EXD3: variants seen among roughly 807,000 people sequenced by gnomAD.
The protein encoded by EXD3 is exonuclease 3'-5' domain containing 3.
EXD3 carries 92 observed loss-of-function variants against 98.0 expected under a neutral mutation model. The ratio of observed to expected loss-of-function variants is 0.94; its 90% CI spans 0.79 to 1.12. The LOEUF is 1.12. Among genes scored for constraint, EXD3 ranks in the 50% most tolerant of loss-of-function variants. EXD3 has a pLI of 0.00. For missense variants in EXD3, 1,222 were observed against 1,191.6 expected (o/e 1.03, Z -0.38); for synonymous variants, 569 against 526.0 (o/e 1.08, Z -1.12).
At chr9:137,374,868 T>A in intron 3 of EXD3, 1 of 985,494 alleles carries the variant, frequency 1.0e-6, no homozygotes, top group Non-Finnish European at 1.2e-6. Context: ...CTAGCCCTAG[T>A]GAGTTCTAAC....
chr9:137,353,976 G>A (rs1218575508), intron 10 of EXD3: 2 of 1,096,084 alleles, frequency 1.8e-6, no homozygotes, highest in Non-Finnish European at 2.2e-6. Context: ...CACCGGGCTG[G>A]GGGGGCCTGG....
chr9:137,374,999 G>T, intron 3 of EXD3: 1 of 336,224 alleles, frequency 3.0e-6, no homozygotes, highest in Non-Finnish European at 4.2e-6. Context: ...GCTCTTGTGA[G>T]TTCTAACCCT....
Position 137,324,807 on chromosome 9 carries a change from C to G in EXD3, c.1999-664G>C, listed in dbSNP as rs571301259. Among the ~76,000 whole-genome samples the G allele has an allele frequency of 1.3e-5, 2 of 152,192 alleles. No homozygotes were observed. The highest frequency in any genetic ancestry group is 2.9e-5 in the Non-Finnish European group (2 of 68,040). On this transcript the variant is annotated intron_variant, in intron 17 of 21. Transcript: ENST00000340951. This position sits in a 1 kb window ranked among gnomAD's most constrained non-coding sequence, Gnocchi z 4.1. ...TCCTGGGTTCATGCCATTCTCCTGC[C>G]TCAGCCTCCCAAGTAGCTAGGACTA...
intron 1 of EXD3, among the ~76,000 whole-genome samples, chr9:137,406,526 A>C (rs1588433127): frequency 1.3e-5 from 2 of 152,114 alleles, no homozygotes; most frequent in East Asian, 3.9e-4. Flanking sequence ...GCTCTTGGCC[A>C]ACACTCCTGC....
Position 137,373,014 on chromosome 9 carries a change from G to C in EXD3, c.353C>G (p.Pro118Arg). The C allele has an allele frequency of 4.4e-6, 7 of 1,605,170 alleles. No individual in the cohort carries two copies. The highest frequency in any genetic ancestry group is 5.9e-6 in the Non-Finnish European group (7 of 1,179,030). Residue 118 changes from proline to arginine, a missense_variant, in exon 5 of 22, where the codon CCC becomes CGC. Coordinates refer to ENST00000340951, the MANE Select transcript of EXD3 (RefSeq NM_017820.5). ...GGCCAGTGGTGCCGCAAGGCTGGGG[G>C]GGCTCTCAGTGAGGACTTTGACCGC... is the stretch of plus-strand genomic sequence containing the variant. ...ARAVKVLTESPPSLAAPLASI... is the reference protein window; with the variant it reads ...ARAVKVLTESRPSLAAPLASI...
At chr9:137,382,390 G>A (rs1002013650) in intron 3 of EXD3, among the ~76,000 whole-genome samples, 5 of 151,944 alleles carry the variant, frequency 3.3e-5, no homozygotes, top group African/African-American at 7.3e-5. Flanking sequence ...CGTGGGGGGC[G>A]GGGGGCAGAG....
chr9:137,307,539 C>G (rs1235645769), intron 21 of EXD3, 69 bp downstream of exon 21: 41 of 1,575,774 alleles, frequency 2.6e-5, no homozygotes, highest in Non-Finnish European at 3.3e-5. Context: ...GTCCCCCATT[C>G]TGGGGGAAGC....
At chr9:137,335,514 G>A (rs1013045471) in intron 17 of EXD3, among the ~76,000 whole-genome samples, 1 of 151,870 alleles carries the variant, frequency 6.6e-6, no homozygotes, top group African/African-American at 2.4e-5. Context: ...CCCGGTCTCT[G>A]CTAAAAATAC....
intron 21 of EXD3, 92 bp from the exon 22 acceptor site, chr9:137,307,355 G>A (rs1831100398): frequency 1.4e-6 from 2 of 1,431,398 alleles, no homozygotes; most frequent in South Asian, 1.5e-5. Context: ...GGCCCACGCT[G>A]AGCCCACGCT....
At chr9:137,391,578 C>T (rs1055853403) in intron 2 of EXD3, among the ~76,000 whole-genome samples, 6 of 151,036 alleles carry the variant, frequency 4.0e-5, no homozygotes, top group South Asian at 2.1e-4. Flanking sequence ...CCCACCCCAC[C>T]GCCCGCCGGC....
At chr9:137,335,052 G>C (rs1833283017) in intron 17 of EXD3, among the ~76,000 whole-genome samples, 1 of 151,780 alleles carries the variant, frequency 6.6e-6, no homozygotes, top group Non-Finnish European at 1.5e-5. Flanking sequence ...ACTCCAGCCT[G>C]GGTGACAGAG....
In EXD3 at chr9:137,352,721, G is replaced by A. The variant is rs1834374015; in HGVS notation, c.936C>T (p.Asp312=). Residue 312 remains aspartate (D), a synonymous_variant, in exon 11 of 22, where the codon GAC becomes GAT. Coordinates refer to ENST00000340951, the MANE Select transcript of EXD3 (RefSeq NM_017820.5). ...QLSQLLVSHS[D]PVTAAQCAME... is the part of the protein sequence containing the mutation. ...TGGCACACTGGGCGGCCGTGACTGG[G>A]TCACTGTGGGAGACCAGCAGCTGAG... 1.9e-6 allele frequency: 3 copies of A among 1,572,496 alleles called. No individual in the cohort carries two copies. The highest frequency in any genetic ancestry group is 2.7e-5 in the African/African-American group (2 of 74,122).
intron 17 of EXD3, among the ~76,000 whole-genome samples, chr9:137,330,052 G>GACTACACAGGAGCTACACAGGA (rs1283260854): frequency 9.8e-5 from 14 of 142,152 alleles, no homozygotes; most frequent in African/African-American, 3.3e-4. Context: ...AGCTACACGG[G>GACTACACAGGAGCTACACAGGA]ACTACACAGG....
chr9:137,316,225 G>A (rs1018125719), intron 19 of EXD3, among the ~76,000 whole-genome samples: 3 of 151,718 alleles, frequency 2.0e-5, no homozygotes, highest in African/African-American at 7.3e-5. Context: ...GCCTGGGAAC[G>A]GCCCCCGCCC....
chr9:137,387,528 G>A (rs1020326931), intron 2 of EXD3, among the ~76,000 whole-genome samples: 1 of 152,198 alleles, frequency 6.6e-6, no homozygotes, highest in Non-Finnish European at 1.5e-5. Flanking sequence ...ATGTCCAGGG[G>A]CGGCTTCTGT....
In EXD3 at chr9:137,349,446, C is replaced by A; in HGVS notation, c.1580G>T (p.Gly527Val). The change falls in exon 15 of 22, where the codon GGC (glycine) becomes GTC (valine). Residue 527 changes from glycine (G) to valine (V), a missense_variant. Gly to Val is a moderately radical substitution (Grantham distance 109). Transcript: ENST00000340951. The surrounding 1 kb of genome is among the most constrained non-coding windows in gnomAD (Gnocchi z 7.4). ...GLSLLVQQVL[G>V]TALDKTQQLS... is the part of the protein sequence containing the mutation. ...CTGCTGCGTCTTGTCCAGGGCTGTG[C>A]CCAGCACCTGCTGCACCAGGAGGCT... is the stretch of plus-strand genomic sequence containing the variant. The A allele has an allele frequency of 6.2e-7, 1 of 1,602,172 alleles. No homozygotes were observed. Among genetic ancestry groups the A allele is most frequent in the Non-Finnish European group, 8.5e-7 (1 of 1,177,730 alleles).
chr9:137,351,996 CT>C (rs1834331403), intron 12 of EXD3, 69 bp downstream of exon 12: 7 of 1,527,894 alleles, frequency 4.6e-6, no homozygotes, highest in East Asian at 2.4e-5. Context: ...TGCCATGCCC[CT>C]GATGCTCCTC....
intron 19 of EXD3, among the ~76,000 whole-genome samples, chr9:137,321,175 G>A (rs557408013): frequency 1.3e-5 from 2 of 152,338 alleles, no homozygotes; most frequent in South Asian, 2.1e-4. Context: ...TTCAATCCCC[G>A]CCAGGCCCAG....
At position 137,413,228 on chromosome 9, in the gene EXD3, T is replaced by C. The variant is rs183477182; in HGVS notation, c.-48+9886A>G. Among the ~76,000 whole-genome samples the C allele has an allele frequency of 2.6e-3, 394 of 151,428 alleles. 2 individuals are homozygous for C. Among genetic ancestry groups the C allele is most frequent in the African/African-American group, 9.4e-3 (387 of 41,244 alleles). ...CAGAACTTTTTTTTTTGAGACGGAGTCTCACTCCGTCGCCCAGGCTGGAGT... is the reference window on the plus strand; with the variant it reads ...CAGAACTTTTTTTTTTGAGACGGAGCCTCACTCCGTCGCCCAGGCTGGAGT... On this transcript the variant is annotated intron_variant, in intron 1 of 21. Coordinates refer to ENST00000340951, the MANE Select transcript of EXD3 (RefSeq NM_017820.5).
Sources: allele counts gnomAD v4.1 joint callset (sites outside exome capture counted in the v4.1 genomes callset), GRCh38; gene constraint gnomAD v4.1.1; non-coding constraint Gnocchi (gnomAD v3.1); transcripts MANE v1.5; gene names NCBI Gene and HGNC (gene_info 2026-07-23, HGNC 2026-07-21).